SH3TC2: variants seen among roughly 807,000 people sequenced by gnomAD.
SH3TC2 encodes the protein SH3 domain and tetratricopeptide repeat-containing protein 2.
In SH3TC2, 87 loss-of-function variants were observed where a neutral mutation model predicts 124.5. That is an observed-to-expected ratio of 0.70 (90% confidence interval 0.59 to 0.84). The LOEUF (loss-of-function observed/expected upper bound fraction) is 0.84. Among genes scored for constraint, SH3TC2 ranks in the 40% least tolerant of loss-of-function variants. SH3TC2 has a pLI of 0.00. For synonymous variants in SH3TC2, 634 were observed against 628.5 expected, an observed-to-expected ratio of 1.01 and a Z score of -0.13; for missense variants, 1,536 against 1,566.4, an observed-to-expected ratio of 0.98 and a Z score of 0.33.
intron 1 of SH3TC2, among the ~76,000 whole-genome samples, chr5:149,058,327 T>C (rs1222484912): frequency 1.3e-5 from 2 of 152,266 alleles, no homozygotes; most frequent in Non-Finnish European, 2.9e-5. Flanking sequence ...GTGAGAGTTC[T>C]AGTTGCTCCA....
rs558102068 is a variant in SH3TC2 at position 148,986,443 on chromosome 5, C to A, written c.*18268G>T. ...CCTGGAAAGCCAAGGTAACCCCACT[C>A]ACTCCCTATTACATCTCCTTGTCTT... On this transcript the variant is annotated 3_prime_UTR_variant, in exon 17 of 17. Transcript: ENST00000515425. Among the ~76,000 whole-genome samples, 1 of 152,306 alleles carries A rather than the reference C, an allele frequency of 6.6e-6. No individual in the cohort carries two copies. Among genetic ancestry groups the A allele is most frequent in the African/African-American group, 2.4e-5 (1 of 41,562 alleles).
chr5:148,989,945 A>T lies in SH3TC2; in HGVS notation c.*14766T>A, dbSNP rs891919. On this transcript the variant is annotated 3_prime_UTR_variant, in exon 17 of 17. Coordinates refer to ENST00000515425, the MANE Select transcript of SH3TC2 (RefSeq NM_024577.4). ...AGTTCTTGGGGTGTGGGGATACACAAGTGTGTGCATGTTTGTGTGTATGTG... is the reference window on the plus strand; with the variant it reads ...AGTTCTTGGGGTGTGGGGATACACATGTGTGTGCATGTTTGTGTGTATGTG... Among the ~76,000 whole-genome samples, 74,345 of 151,854 alleles carry T rather than the reference A, an allele frequency of 0.49. 18,744 individuals carry two copies. The highest frequency in any genetic ancestry group is 0.61 in the African/African-American group (25,082 of 41,400).
rs1461066760 is a variant in SH3TC2, at chr5:149,028,328, G to A, written c.1404C>T (p.Ala468=). 3.7e-6 allele frequency: 6 copies of A among 1,613,938 alleles called. No homozygotes were observed. The African/African-American group carries it at 6.7e-5, about 18-fold the overall frequency. The change falls in exon 11 of 17, where the codon GCC becomes GCT. Residue 468 remains alanine (A), a synonymous_variant. Transcript: ENST00000515425. ...CATGATCCAGAAAAGCCAATATGGG[G>A]GCGAAGTTCTCAGCCTCCTCCTCCT... is the stretch of plus-strand genomic sequence containing the variant. ...TGQEEEAENF[A]PILAFLDHEG...
chr5:149,057,573 C>G (rs1012154384), intron 1 of SH3TC2: 2 of 152,220 alleles, frequency 1.3e-5, no homozygotes, highest in Non-Finnish European at 2.9e-5. Flanking sequence ...GAACACTTCA[C>G]AAATTTGCAT....
At chr5:149,023,185 T>G (rs183547310) in intron 12 of SH3TC2, among the ~76,000 whole-genome samples, 1 of 152,338 alleles carries the variant, frequency 6.6e-6, no homozygotes, top group Non-Finnish European at 1.5e-5. Flanking sequence ...ACTGTTCTGT[T>G]TGTGGGTATT....
At position 149,040,090 on chromosome 5, in the gene SH3TC2, CT is replaced by C. The variant is rs768997168; in HGVS notation, c.805+513del. The stretch of plus-strand genomic sequence containing the variant: ...TGTGTGTATACACACATACAGATTA[CT>C]TAAATTGTGTGTGTGTGTGTATATA... On this transcript the variant is annotated intron_variant, in intron 7 of 16. Coordinates refer to ENST00000515425, the MANE Select transcript of SH3TC2 (RefSeq NM_024577.4). Among the ~76,000 whole-genome samples, 21 of 152,214 alleles carry C rather than the reference CT, an allele frequency of 1.4e-4. No individual in the cohort carries two copies. The South Asian group carries it at 4.4e-3, about 32-fold the overall frequency.
At chr5:149,010,244 C>T in intron 14 of SH3TC2, 26 bp downstream of exon 14, 3 of 1,614,076 alleles carry the variant, frequency 1.9e-6, no homozygotes, top group Non-Finnish European at 2.5e-6. Context: ...GGACCTGTCT[C>T]AGCAAACTGC....
Position 149,051,773 on chromosome 5 carries a change from G to C in SH3TC2, c.151+369C>G, listed in dbSNP as rs113246359. 2.6e-3 allele frequency among the ~76,000 whole-genome samples: 401 copies of C among 152,240 alleles called. 1 individual carries two copies. The highest frequency in any genetic ancestry group is 9.3e-3 in the African/African-American group (387 of 41,534). ...GCAGCCCATGTATTTATTCATCAAA[G>C]ATTTTCTGAGCAGCAACAACGTATG... On this transcript the variant is annotated intron_variant, in intron 2 of 16. Transcript: ENST00000515425.
intron 8 of SH3TC2, among the ~76,000 whole-genome samples, chr5:149,036,210 A>C (rs563146565): frequency 6.6e-6 from 1 of 152,306 alleles, no homozygotes; most frequent in East Asian, 1.9e-4. Context: ...CACAAGCTGC[A>C]CTCACATGGT....
At chr5:149,035,900 T>C (rs1754275797) in intron 8 of SH3TC2, 1 of 152,114 alleles carries the variant, frequency 6.6e-6, no homozygotes, top group African/African-American at 2.4e-5. Flanking sequence ...AGTCCAAATA[T>C]AAGTTATGAA....
At position 148,991,189 on chromosome 5, in the gene SH3TC2, A is replaced by G. The variant is rs1580878035; in HGVS notation, c.*13522T>C. 6.6e-6 allele frequency among the ~76,000 whole-genome samples: 1 copy of G among 152,224 alleles called. No individual in the cohort carries two copies. Among genetic ancestry groups the G allele is most frequent in the Non-Finnish European group, 1.5e-5 (1 of 68,040 alleles). ...ATGGGGTAGAAATTAACATATGTAGAGGACTTTTTCTTCTCTATACAAAAG... is the reference window on the plus strand; with the variant it reads ...ATGGGGTAGAAATTAACATATGTAGGGGACTTTTTCTTCTCTATACAAAAG... On this transcript the variant is annotated 3_prime_UTR_variant, in exon 17 of 17. Transcript: ENST00000515425.
chr5:148,982,549 C>A lies in SH3TC2; in HGVS notation c.*22162G>T, dbSNP rs1034685466. On this transcript the variant is annotated 3_prime_UTR_variant, in exon 17 of 17. Coordinates refer to ENST00000515425, the MANE Select transcript of SH3TC2 (RefSeq NM_024577.4). ...GTTATTCCCATCATGCAAGGAGATACTTTACAGCTGTAAAAATGAATGAGG... is the reference window on the plus strand; with the variant it reads ...GTTATTCCCATCATGCAAGGAGATAATTTACAGCTGTAAAAATGAATGAGG... 1.3e-5 allele frequency among the ~76,000 whole-genome samples: 2 copies of A among 152,280 alleles called. No homozygotes were observed. The highest frequency in any genetic ancestry group is 3.9e-4 in the East Asian group (2 of 5,178).
chr5:149,014,020 A>G (rs1753828477), intron 12 of SH3TC2, among the ~76,000 whole-genome samples: 1 of 152,162 alleles, frequency 6.6e-6, no homozygotes. Context: ...TTCTTATTTT[A>G]TAGAGGAAAC....
At chr5:149,047,749 G>C in intron 3 of SH3TC2, 113 bp downstream of exon 3, 1 of 1,321,804 alleles carries the variant, frequency 7.6e-7, no homozygotes, top group Non-Finnish European at 1.1e-6. Context: ...CTACCTATTA[G>C]ATGTTTTTTC....
chr5:149,029,840 C>T (rs548017683), intron 9 of SH3TC2, among the ~76,000 whole-genome samples: 2 of 150,998 alleles, frequency 1.3e-5, no homozygotes, highest in East Asian at 1.9e-4. Flanking sequence ...TAGCTTCACA[C>T]TCCACAGGAT....
intron 8 of SH3TC2, among the ~76,000 whole-genome samples, chr5:149,037,209 C>G (rs1754296988): frequency 6.6e-6 from 1 of 152,184 alleles, no homozygotes; most frequent in Non-Finnish European, 1.5e-5. Context: ...CCTATGACCT[C>G]TTTTCCCATC....
At position 148,997,828 on chromosome 5, in the gene SH3TC2, C is replaced by T. The variant is rs1296686257; in HGVS notation, c.*6883G>A. Among the ~76,000 whole-genome samples, 8 of 152,200 alleles carry T rather than the reference C, an allele frequency of 5.3e-5. No homozygotes were observed. Among genetic ancestry groups the T allele is most frequent in the Admixed American group, 5.2e-4 (8 of 15,276 alleles). On this transcript the variant is annotated 3_prime_UTR_variant, in exon 17 of 17. Transcript: ENST00000515425. Reference sequence around the variant, plus strand: ...GTGGAGATAAAAATAATAGTAACTACACCAAAATGTTGTGTGATTACATGA... The same window carrying T: ...GTGGAGATAAAAATAATAGTAACTATACCAAAATGTTGTGTGATTACATGA...
intron 3 of SH3TC2, 72 bp downstream of exon 3, chr5:149,047,790 T>C (rs751179030): frequency 4.4e-6 from 7 of 1,597,462 alleles, no homozygotes; most frequent in Non-Finnish European, 6.0e-6. Context: ...GATGCTGTCT[T>C]AGATGCTAGG....
Position 149,031,621 on chromosome 5 carries a change from C to T in SH3TC2, c.1068G>A (p.Lys356=), listed in dbSNP as rs368016314. 2.5e-6 allele frequency: 4 copies of T among 1,614,022 alleles called. No individual in the cohort carries two copies. In the African/African-American group the frequency reaches 4.0e-5, roughly 16 times the overall value. Residue 356 remains lysine, a synonymous_variant, in exon 9 of 17, where the codon AAG becomes AAA. Transcript: ENST00000515425. ...RCSLLALGSD[K]QTECSSFLHT... ...GGAGGAAGCTGGAACACTCAGTCTG[C>T]TTATCACTTCCCAGGGCCAACAGGG...
Sources: allele counts gnomAD v4.1 joint callset (sites outside exome capture counted in the v4.1 genomes callset), GRCh38; gene constraint gnomAD v4.1.1; transcripts MANE v1.5; gene names NCBI Gene and HGNC (gene_info 2026-07-23, HGNC 2026-07-21).